The following RBM46 variants were observed in gnomAD, a reference collection of about 807,000 sequenced individuals.
RBM46 encodes the protein probable RNA-binding protein 46.
In RBM46, 12 loss-of-function variants were observed where a neutral mutation model predicts 43.3. The observed-to-expected ratio is 0.28, with a 90% CI of 0.18 to 0.45. The LOEUF (loss-of-function observed/expected upper bound fraction) is 0.45, where lower values mean the gene tolerates loss of function less well. RBM46 is among the 20% of genes least tolerant of loss of function. The pLI is 1.00. For synonymous variants in RBM46, 205 were observed against 207.6 expected (o/e 0.99, Z 0.11); for missense variants, 412 against 639.1 (o/e 0.64, Z 3.83).
Position 154,789,889 on chromosome 4 carries a change from T to G in RBM46, c.-11-6853T>G, listed in dbSNP as rs1252344733. Among the ~76,000 whole-genome samples, 11 of 152,336 alleles carry G rather than the reference T, an allele frequency of 7.2e-5. No individual in the cohort carries two copies. In the East Asian group the frequency reaches 2.1e-3, roughly 29 times the overall value. ...TCTATTGAGGGATTCAACTTCTTCCTGGTTTAGTCTTGGGAGGGTGTATGT... is the reference window on the plus strand; with the variant it reads ...TCTATTGAGGGATTCAACTTCTTCCGGGTTTAGTCTTGGGAGGGTGTATGT... On this transcript the variant is annotated intron_variant, in intron 1 of 4. Coordinates refer to ENST00000281722, the MANE Select transcript of RBM46 (RefSeq NM_144979.5).
At position 154,798,191 on chromosome 4, in the gene RBM46, A is replaced by G. The variant is rs1734442035; in HGVS notation, c.532A>G (p.Thr178Ala). 1 of 1,613,532 alleles carries G rather than the reference A, an allele frequency of 6.2e-7. No homozygotes were observed. Among genetic ancestry groups the G allele is most frequent in the Non-Finnish European group, 8.5e-7 (1 of 1,179,836 alleles). Residue 178 changes from threonine to alanine, a missense_variant, in exon 3 of 5, where the codon ACT (threonine) becomes GCT (alanine). Thr to Ala is a moderately conservative substitution (Grantham distance 58). This residue lies in a region of RBM46 where 48 missense variants were observed against 78.9 expected (regional missense o/e 0.61). Coordinates refer to ENST00000281722, the MANE Select transcript of RBM46 (RefSeq NM_144979.5). ...VVDVIVYPSATDKTKNRGFAF... is the reference protein window; with the variant it reads ...VVDVIVYPSAADKTKNRGFAF... Reference sequence around the variant, plus strand: ...AGATGTCATTGTTTATCCAAGTGCAACTGATAAGACCAAAAATCGTGGTTT... The same window carrying G: ...AGATGTCATTGTTTATCCAAGTGCAGCTGATAAGACCAAAAATCGTGGTTT...
At chr4:154,822,499 A>G (rs1379363273) in intron 4 of RBM46, among the ~76,000 whole-genome samples, 1 of 151,584 alleles carries the variant, frequency 6.6e-6, no homozygotes, top group Non-Finnish European at 1.5e-5. Context: ...TTATGCTTAT[A>G]TGATATTTTA....
In RBM46 at chr4:154,799,034, T is replaced by C. The variant is rs768872900; in HGVS notation, c.872T>C (p.Met291Thr). The C allele has an allele frequency of 2.3e-5, 37 of 1,614,056 alleles. No homozygotes were observed. In the East Asian group the frequency reaches 5.8e-4, roughly 25 times the overall value. Residue 291 changes from methionine to threonine, a missense_variant, in exon 4 of 5, where the codon ATG becomes ACG. By Grantham distance (81) the Met-to-Thr change is moderately conservative (BLOSUM62 -1). Coordinates refer to ENST00000281722, the MANE Select transcript of RBM46 (RefSeq NM_144979.5). ...GATGCAGTGGCTGCCATGTCTGTTA[T>C]GAATGGAAAATGCATTGATGGAGCA... ...REDAVAAMSVMNGKCIDGASI... is the reference protein window; with the variant it reads ...REDAVAAMSVTNGKCIDGASI...
chr4:154,793,192 T>G (rs1402258029), intron 1 of RBM46, among the ~76,000 whole-genome samples: 2 of 152,212 alleles, frequency 1.3e-5, no homozygotes, highest in Non-Finnish European at 2.9e-5. Context: ...TACATGCAAA[T>G]CTATGATATT....
At chr4:154,822,329 C>T (rs114947685) in intron 4 of RBM46, among the ~76,000 whole-genome samples, 3,495 of 151,492 alleles carry the variant, frequency 0.023, 132 homozygotes, top group African/African-American at 0.08. Flanking sequence ...CCCTTGCTTT[C>T]GAAGGTTTAA....
chr4:154,783,265 T>C (rs1733594886), intron 1 of RBM46, among the ~76,000 whole-genome samples: 1 of 152,214 alleles, frequency 6.6e-6, no homozygotes, highest in Non-Finnish European at 1.5e-5. Context: ...TTGCCAAATA[T>C]AATACATATC....
chr4:154,782,816 A>AT (rs2111073665), intron 1 of RBM46, among the ~76,000 whole-genome samples: 1 of 152,196 alleles, frequency 6.6e-6, no homozygotes, highest in Non-Finnish European at 1.5e-5. Context: ...AATTGGCCTG[A>AT]TTTTGTGTTT....
At chr4:154,800,141 ATTAAT>A (rs1289629234) in intron 4 of RBM46, among the ~76,000 whole-genome samples, 1 of 152,108 alleles carries the variant, frequency 6.6e-6, no homozygotes, top group Non-Finnish European at 1.5e-5. Context: ...ACCCTGTTTT[ATTAAT>A]TTATTGTTTT....
chr4:154,812,396 T>C (rs985784759), intron 4 of RBM46, among the ~76,000 whole-genome samples: 1 of 152,132 alleles, frequency 6.6e-6, no homozygotes, highest in African/African-American at 2.4e-5. Context: ...TGTAAACATA[T>C]CTTGTTTACA....
chr4:154,808,385 G>A (rs546487732), intron 4 of RBM46, among the ~76,000 whole-genome samples: 10 of 151,354 alleles, frequency 6.6e-5, no homozygotes, highest in Non-Finnish European at 1.2e-4. Context: ...TTTTTTCTTT[G>A]TACTTTTCTT....
intron 4 of RBM46, among the ~76,000 whole-genome samples, chr4:154,806,455 A>G (rs1734911461): frequency 6.6e-6 from 1 of 151,840 alleles, no homozygotes; most frequent in African/African-American, 2.4e-5. Flanking sequence ...TTATGGTTTC[A>G]TTTAAAATAT....
Position 154,796,890 on chromosome 4 carries a change from C to G in RBM46, c.138C>G (p.Gly46=). ...AGGAAAATGGACAAAGGAAATTTGG[C>G]GGTCCTCCTCCAGGTGTGGATTTGT... The part of the protein sequence containing the change: ...MVQENGQRKF[G]GPPPGWEGPP... The change falls in exon 2 of 5, where the codon GGC becomes GGG. Residue 46 remains glycine (G), a synonymous_variant. Transcript: ENST00000281722. The G allele has an allele frequency of 6.2e-7, 1 of 1,612,232 alleles. No individual in the cohort carries two copies. Among genetic ancestry groups the G allele is most frequent in the Non-Finnish European group, 8.5e-7 (1 of 1,179,290 alleles).
At chr4:154,821,674 G>T (rs1735729136) in intron 4 of RBM46, among the ~76,000 whole-genome samples, 2 of 151,626 alleles carry the variant, frequency 1.3e-5, no homozygotes, top group Admixed American at 1.3e-4. Flanking sequence ...TTTGTGTGTT[G>T]CCTTGCCTGT....
chr4:154,787,105 A>G (rs1578888637), intron 1 of RBM46: 1 of 152,138 alleles, frequency 6.6e-6, no homozygotes, highest in South Asian at 2.1e-4. Flanking sequence ...TTATTTTTCA[A>G]TAAGTGAGTT....
At chr4:154,824,789 TA>T (rs1215986043) in intron 4 of RBM46, among the ~76,000 whole-genome samples, 1 of 151,934 alleles carries the variant, frequency 6.6e-6, no homozygotes, top group Non-Finnish European at 1.5e-5. Flanking sequence ...AAGATAGACA[TA>T]AAAATACTTA....
At position 154,828,353 on chromosome 4, in the gene RBM46, A is replaced by G; in HGVS notation, c.*286A>G. ...TTCTTCTACTTTCTGAGTGGGCAAT[A>G]GAACCTAGTCATTTATGTTTTTTTT... On this transcript the variant is annotated 3_prime_UTR_variant, in exon 5 of 5. Transcript: ENST00000281722. 1 of 329,736 alleles carries G rather than the reference A, an allele frequency of 3.0e-6. No homozygotes were observed. Among genetic ancestry groups the G allele is most frequent in the Non-Finnish European group, 5.5e-6 (1 of 183,180 alleles). 20.4% of individuals were successfully genotyped at this position (329,736 alleles called of 1,614,324 possible). A position where few individuals can be genotyped will look rare whatever the true frequency, so the allele number is the denominator to read the frequency against.
chr4:154,793,577 A>C (rs73855230), intron 1 of RBM46, among the ~76,000 whole-genome samples: 7,293 of 152,214 alleles, frequency 0.048, 577 homozygotes, highest in African/African-American at 0.16. Context: ...TACTTGAGAA[A>C]GTGTTGAAGG....
chr4:154,783,574 C>T (rs930254395), intron 1 of RBM46, among the ~76,000 whole-genome samples: 1 of 152,092 alleles, frequency 6.6e-6, no homozygotes, highest in Non-Finnish European at 1.5e-5. Flanking sequence ...TTTAAAATAA[C>T]AGATTATGAA....
chr4:154,788,296 C>T (rs1251191924), intron 1 of RBM46, among the ~76,000 whole-genome samples: 2 of 152,112 alleles, frequency 1.3e-5, no homozygotes, highest in African/African-American at 2.4e-5. Flanking sequence ...CCTAGGTTTT[C>T]TTCTAGGGTT....
Sources: allele counts gnomAD v4.1 joint callset (sites outside exome capture counted in the v4.1 genomes callset), GRCh38; gene constraint gnomAD v4.1.1; regional missense constraint gnomAD v4.1.1; transcripts MANE v1.5; gene names NCBI Gene and HGNC (gene_info 2026-07-23, HGNC 2026-07-21).